Variants in BACH2 observed in about 807,000 individuals in gnomAD.
BACH2 encodes BACH transcriptional regulator 2.
A neutral mutation model predicts 61.8 loss-of-function variants in BACH2; 5 were observed. The ratio of observed to expected loss-of-function variants is 0.08; its 90% CI spans 0.04 to 0.17. The LOEUF is 0.17. Ranked by LOEUF, BACH2 falls within the 10% of genes least tolerant of loss-of-function variation. BACH2 has a pLI of 1.00. For missense variants in BACH2, 824 were observed against 1,091.1 expected (o/e 0.76, Z 3.45); for synonymous variants, 446 against 440.1 (o/e 1.01, Z -0.17).
chr6:90,286,875 G>A (rs1459333655), intron 1 of BACH2, among the ~76,000 whole-genome samples: 1 of 152,176 alleles, frequency 6.6e-6, no homozygotes, highest in African/African-American at 2.4e-5. Flanking sequence ...CAAGTACAAA[G>A]AGGGGGTACT....
chr6:90,280,639 G>A (rs1771831404), intron 1 of BACH2, among the ~76,000 whole-genome samples: 1 of 152,180 alleles, frequency 6.6e-6, no homozygotes, highest in Non-Finnish European at 1.5e-5. Context: ...TTGAGAAAGT[G>A]CAGATTCAGA....
At chr6:90,186,890 C>T (rs1485011114) in intron 4 of BACH2, among the ~76,000 whole-genome samples, 1 of 152,160 alleles carries the variant, frequency 6.6e-6, no homozygotes, top group South Asian at 2.1e-4. Flanking sequence ...GAATTTGAAC[C>T]CAGGTCTGAT....
intron 6 of BACH2, among the ~76,000 whole-genome samples, chr6:89,953,923 CCTG>C (rs1176264913): frequency 1.3e-5 from 2 of 152,180 alleles, no homozygotes; most frequent in Non-Finnish European, 2.9e-5. Context: ...ACTTTTGTAT[CCTG>C]CTAAGCTGAC....
At chr6:90,046,539 T>C (rs993236614) in intron 5 of BACH2, among the ~76,000 whole-genome samples, 1 of 152,208 alleles carries the variant, frequency 6.6e-6, no homozygotes, top group Non-Finnish European at 1.5e-5. Context: ...ATGAATATGG[T>C]ACACCTCCTC....
chr6:90,181,723 C>T (rs1400990072), intron 4 of BACH2, among the ~76,000 whole-genome samples: 1 of 152,070 alleles, frequency 6.6e-6, no homozygotes, highest in Non-Finnish European at 1.5e-5. Flanking sequence ...CTGGGACCAG[C>T]TACGGCACCA....
intron 4 of BACH2, among the ~76,000 whole-genome samples, chr6:90,096,846 T>C (rs934829934): frequency 6.6e-6 from 1 of 152,178 alleles, no homozygotes; most frequent in African/African-American, 2.4e-5. Flanking sequence ...GCTCAGCTTC[T>C]CTCCCTGGAT....
At position 89,951,634 on chromosome 6, in the gene BACH2, T is replaced by A. The variant is rs1271472140; in HGVS notation, c.472A>T (p.Asn158Tyr). 6.2e-7 allele frequency: 1 copy of A among 1,614,202 alleles called. No homozygotes were observed. The highest frequency in any genetic ancestry group is 1.1e-5 in the South Asian group (1 of 91,086). Residue 158 changes from asparagine (N) to tyrosine (Y), a missense_variant, in exon 7 of 9, where the codon AAC (asparagine) becomes TAC (tyrosine). Coordinates refer to ENST00000257749, the MANE Select transcript of BACH2 (RefSeq NM_021813.4). This position sits in a 1 kb window ranked among gnomAD's most constrained non-coding sequence, Gnocchi z 6.4. ...ACQRPHEDCE[N>Y]SAGEEEDEEE... ...TCATCCTCCTCCTCTCCTGCAGAGT[T>A]CTCGCAGTCCTCGTGTGGGCGCTGG...
intron 1 of BACH2, among the ~76,000 whole-genome samples, chr6:90,277,913 T>C (rs1771744903): frequency 6.6e-6 from 1 of 152,220 alleles, no homozygotes; most frequent in Non-Finnish European, 1.5e-5. Flanking sequence ...ACTAATAATG[T>C]ACTTATCCGA....
rs531014356 is a variant in BACH2, at chr6:89,927,886, T to A, written c.*4522A>T. 3 of 152,750 alleles carry A rather than the reference T, an allele frequency of 2.0e-5. No homozygotes were observed. The highest frequency in any genetic ancestry group is 7.2e-5 in the African/African-American group (3 of 41,600). 9.5% of individuals were successfully genotyped at this position (152,750 alleles called of 1,614,324 possible). A position where few individuals can be genotyped will look rare whatever the true frequency, so the allele number is the denominator to read the frequency against. Reference sequence around the variant, plus strand: ...TGCACACACTATTTGTGTACAGATATGTTCTGTTCTACAGCATCGGTTTTG... The same window carrying A: ...TGCACACACTATTTGTGTACAGATAAGTTCTGTTCTACAGCATCGGTTTTG... On this transcript the variant is annotated 3_prime_UTR_variant, in exon 9 of 9. Transcript: ENST00000257749.
At chr6:90,285,826 G>A (rs1024645645) in intron 1 of BACH2, among the ~76,000 whole-genome samples, 1 of 152,206 alleles carries the variant, frequency 6.6e-6, no homozygotes, top group African/African-American at 2.4e-5. Flanking sequence ...GAGTCAGCAA[G>A]CACTGCTGGT....
At chr6:90,048,104 T>C (rs757502242) in intron 5 of BACH2, among the ~76,000 whole-genome samples, 3 of 151,886 alleles carry the variant, frequency 2.0e-5, no homozygotes, top group Non-Finnish European at 4.4e-5. Context: ...CGAGATTAGT[T>C]TCAGGTCTAG....
chr6:90,233,006 C>G (rs1770147321), intron 3 of BACH2, among the ~76,000 whole-genome samples: 1 of 152,214 alleles, frequency 6.6e-6, no homozygotes, highest in South Asian at 2.1e-4. Flanking sequence ...GGGGGCTTCT[C>G]TTCCAGACCA....
chr6:90,042,997 T>C (rs903378014), intron 5 of BACH2, among the ~76,000 whole-genome samples: 7 of 152,096 alleles, frequency 4.6e-5, no homozygotes, highest in African/African-American at 1.7e-4. Context: ...AGAGGTACAG[T>C]TGATAGGATT....
chr6:90,158,513 T>C (rs975868968), intron 4 of BACH2, among the ~76,000 whole-genome samples: 3 of 151,366 alleles, frequency 2.0e-5, no homozygotes, highest in African/African-American at 7.3e-5. Context: ...AGGAAGAAAA[T>C]AATTAAAGAG....
At chr6:90,173,264 C>T (rs766675124) in intron 4 of BACH2, among the ~76,000 whole-genome samples, 9 of 152,010 alleles carry the variant, frequency 5.9e-5, no homozygotes, top group East Asian at 1.9e-4. Flanking sequence ...ATCTGCTAAA[C>T]AACATACATC....
intron 6 of BACH2, among the ~76,000 whole-genome samples, chr6:89,999,828 G>A (rs1170614810): frequency 6.6e-6 from 1 of 152,158 alleles, no homozygotes; most frequent in Non-Finnish European, 1.5e-5. Flanking sequence ...ACTTTCAGAG[G>A]CCTTGTCATA....
rs575421726 is a variant in BACH2 at position 89,959,813 on chromosome 6, G to A, written c.244-7951C>T. 2.0e-5 allele frequency among the ~76,000 whole-genome samples: 3 copies of A among 152,234 alleles called. No individual in the cohort carries two copies. In the South Asian group the frequency reaches 6.2e-4, roughly 32 times the overall value. On this transcript the variant is annotated intron_variant, in intron 6 of 8. Coordinates refer to ENST00000257749, the MANE Select transcript of BACH2 (RefSeq NM_021813.4). Reference sequence around the variant, plus strand: ...TTTCTCATATTTCCCTCTTGCTGAGGCTGGGAGTTCAAAAACTCTTGTTTC... The same window carrying A: ...TTTCTCATATTTCCCTCTTGCTGAGACTGGGAGTTCAAAAACTCTTGTTTC...
chr6:90,239,223 C>A (rs1582520362), intron 3 of BACH2, among the ~76,000 whole-genome samples: 1 of 152,264 alleles, frequency 6.6e-6, no homozygotes, highest in Non-Finnish European at 1.5e-5. Flanking sequence ...GAGCCACAAA[C>A]CTGGTAATCT....
chr6:90,141,737 C>T (rs981013111), intron 4 of BACH2, among the ~76,000 whole-genome samples: 3 of 152,122 alleles, frequency 2.0e-5, no homozygotes, highest in Non-Finnish European at 2.9e-5. Flanking sequence ...AGATTTTACA[C>T]ATGATAATAG....
Sources: gnomAD v4.1 joint callset for allele counts (sites outside exome capture counted in the v4.1 genomes callset) on GRCh38, gnomAD v4.1.1 for gene constraint, Gnocchi (gnomAD v3.1) non-coding constraint, MANE v1.5 for transcripts, NCBI Gene and HGNC (gene_info 2026-07-23, HGNC 2026-07-21) for gene names.